The following C12orf54 variants were observed in gnomAD, a reference collection of about 807,000 sequenced individuals.
The protein encoded by C12orf54 is uncharacterized protein C12orf54.
In C12orf54, 24 loss-of-function variants were observed where a neutral mutation model predicts 26.4. The ratio of observed to expected loss-of-function variants is 0.91; its 90% CI spans 0.66 to 1.28. The LOEUF is 1.28. Ranked by LOEUF, C12orf54 falls within the 50% of genes most tolerant of loss-of-function variation. The probability of loss-of-function intolerance (pLI) is 0.00; values close to 1 mark genes in which losing one functional copy is unlikely to be tolerated. For missense variants in C12orf54, 154 were observed against 150.9 expected (o/e 1.02, Z -0.11); for synonymous variants, 54 against 47.0 (o/e 1.15, Z -0.61).
intron 2 of C12orf54, among the ~76,000 whole-genome samples, chr12:48,485,609 C>G (rs1312556019): frequency 6.6e-6 from 1 of 152,162 alleles, no homozygotes; most frequent in Non-Finnish European, 1.5e-5. Flanking sequence ...TATCTGTATA[C>G]ACTGCCTCCT....
At chr12:48,450,531 A>G in the C12orf54 span, among the ~76,000 whole-genome samples, 1 of 152,192 alleles carries the variant, frequency 6.6e-6, no homozygotes, top group Non-Finnish European at 1.5e-5. Context: ...CCTTCAAAAG[A>G]TCAATGAATC....
chr12:48,479,848 A>T (rs1437148946), upstream of C12orf54, among the ~76,000 whole-genome samples: 1 of 152,092 alleles, frequency 6.6e-6, no homozygotes, highest in African/African-American at 2.4e-5. Flanking sequence ...TCTGTTTGTC[A>T]TTGATAAGTT....
chr12:48,425,036 T>G, the C12orf54 span, among the ~76,000 whole-genome samples: 32 of 152,254 alleles, frequency 2.1e-4, no homozygotes, highest in African/African-American at 7.7e-4. Flanking sequence ...TGGTGAATTA[T>G]ATGTAGGCTA....
chr12:48,424,327 T>G, the C12orf54 span, among the ~76,000 whole-genome samples: 1 of 152,150 alleles, frequency 6.6e-6, no homozygotes, highest in East Asian at 1.9e-4. Flanking sequence ...TGTTTTTGTC[T>G]GGTTTGGGTA....
the C12orf54 span, among the ~76,000 whole-genome samples, chr12:48,454,523 G>A: frequency 1.3e-5 from 2 of 152,166 alleles, no homozygotes; most frequent in Non-Finnish European, 2.9e-5. Flanking sequence ...GAGATGTGGG[G>A]TTTGCCTGAG....
the C12orf54 span, among the ~76,000 whole-genome samples, chr12:48,452,567 G>A: frequency 4.6e-5 from 7 of 150,684 alleles, no homozygotes; most frequent in East Asian, 1.4e-3. Context: ...TAAATAGACA[G>A]CCTACAGAAT....
the C12orf54 span, among the ~76,000 whole-genome samples, chr12:48,450,559 G>T: frequency 6.6e-6 from 1 of 151,588 alleles, no homozygotes; most frequent in Non-Finnish European, 1.5e-5. Flanking sequence ...TAGTTTTTTG[G>T]AAAAAATAAT....
intron 5 of C12orf54, among the ~76,000 whole-genome samples, chr12:48,489,498 T>C (rs1937736608): frequency 6.6e-6 from 1 of 152,156 alleles, no homozygotes; most frequent in Non-Finnish European, 1.5e-5. Flanking sequence ...TGATCTTGGC[T>C]CACTGCAACC....
chr12:48,467,481 CATA>C, the C12orf54 span, among the ~76,000 whole-genome samples: 1 of 152,052 alleles, frequency 6.6e-6, no homozygotes, highest in African/African-American at 2.4e-5. Flanking sequence ...GAATGCTGTA[CATA>C]ATAACAGGAA....
chr12:48,459,358 C>T, the C12orf54 span, among the ~76,000 whole-genome samples: 2 of 151,958 alleles, frequency 1.3e-5, no homozygotes, highest in East Asian at 1.9e-4. Context: ...TTTGGGCCAA[C>T]GGAAAGTGAG....
the C12orf54 span, among the ~76,000 whole-genome samples, chr12:48,475,097 G>T: frequency 1.3e-5 from 2 of 152,152 alleles, no homozygotes; most frequent in African/African-American, 4.8e-5. Context: ...ACCAATATCC[G>T]CTGTTCTGCA....
the C12orf54 span, among the ~76,000 whole-genome samples, chr12:48,448,465 T>C: frequency 6.6e-6 from 1 of 152,252 alleles, no homozygotes; most frequent in Non-Finnish European, 1.5e-5. Context: ...TTAATTGTTA[T>C]AAAGTGTCGC....
intron 1 of C12orf54, 106 bp from the exon 2 acceptor site, chr12:48,483,134 T>C (rs1954217380): frequency 3.3e-6 from 2 of 602,584 alleles, no homozygotes; most frequent in Admixed American, 3.0e-5. Context: ...ACTCACCCAT[T>C]CAAAATACAA....
the C12orf54 span, among the ~76,000 whole-genome samples, chr12:48,433,277 G>A: frequency 6.6e-6 from 1 of 152,176 alleles, no homozygotes; most frequent in African/African-American, 2.4e-5. Context: ...ACCAGAACTA[G>A]GCTCACCAGG....
At chr12:48,436,422 A>G in the C12orf54 span, among the ~76,000 whole-genome samples, 2 of 152,172 alleles carry the variant, frequency 1.3e-5, no homozygotes, top group Admixed American at 6.5e-5. Flanking sequence ...ATAGACATCT[A>G]CAGAACTCTC....
intron 4 of C12orf54, among the ~76,000 whole-genome samples, chr12:48,487,012 A>G (rs1040359387): frequency 2.6e-5 from 4 of 152,228 alleles, no homozygotes; most frequent in Non-Finnish European, 4.4e-5. Flanking sequence ...AGTGATTGCT[A>G]CAGACTTGAA....
the C12orf54 span, among the ~76,000 whole-genome samples, chr12:48,430,660 G>A: frequency 5.9e-5 from 9 of 152,138 alleles, no homozygotes; most frequent in Non-Finnish European, 8.8e-5. Flanking sequence ...AGATGTTGGC[G>A]TGAACGTGGT....
chr12:48,449,212 GT>G, the C12orf54 span, among the ~76,000 whole-genome samples: 1 of 152,098 alleles, frequency 6.6e-6, no homozygotes, highest in Admixed American at 6.6e-5. Context: ...TAGACTCTCA[GT>G]TCATCTCTTC....
the C12orf54 span, among the ~76,000 whole-genome samples, chr12:48,430,336 G>T: frequency 2.0e-5 from 3 of 152,118 alleles, no homozygotes. Context: ...CTTTTGCGCA[G>T]CAAAAGGAAC....
Sources: gnomAD v4.1 joint callset for allele counts (sites outside exome capture counted in the v4.1 genomes callset) on GRCh38, gnomAD v4.1.1 for gene constraint, MANE v1.5 for transcripts, NCBI Gene and HGNC (gene_info 2026-07-23, HGNC 2026-07-21) for gene names.